The following TMEM167A variants were observed in gnomAD, a reference collection of about 807,000 sequenced individuals.
TMEM167A encodes protein kish-A.
TMEM167A carries 8 observed loss-of-function variants against 11.6 expected under a neutral mutation model. The observed-to-expected ratio is 0.69, with a 90% CI of 0.40 to 1.24. The LOEUF (loss-of-function observed/expected upper bound fraction) is 1.24. Among genes scored for constraint, TMEM167A ranks in the 50% most tolerant of loss-of-function variants. The probability of loss-of-function intolerance (pLI) is 0.01; values close to 1 mark genes in which losing one functional copy is unlikely to be tolerated. For missense variants in TMEM167A, 62 were observed against 87.0 expected, an observed-to-expected ratio of 0.71 and a Z score of 1.14; for synonymous variants, 22 against 28.0, an observed-to-expected ratio of 0.79 and a Z score of 0.67.
At chr5:83,068,136 T>C (rs865780042) in intron 1 of TMEM167A, among the ~76,000 whole-genome samples, 12 of 152,162 alleles carry the variant, frequency 7.9e-5, no homozygotes, top group Admixed American at 2.0e-4. Context: ...TGTATGTGAA[T>C]ATATTAATAA....
chr5:83,065,200 T>G, intron 1 of TMEM167A, 83 bp from the exon 2 acceptor site: 1 of 855,194 alleles, frequency 1.2e-6, no homozygotes, highest in Non-Finnish European at 1.8e-6. Flanking sequence ...ACATTTAGAG[T>G]CATGTTTTTA....
intron 1 of TMEM167A, among the ~76,000 whole-genome samples, chr5:83,075,730 G>A (rs533423982): frequency 2.7e-5 from 4 of 146,712 alleles, no homozygotes; most frequent in African/African-American, 1.0e-4. Context: ...GGGCAACAGA[G>A]GGAGACTCCA....
In TMEM167A at chr5:83,053,899, C is replaced by T. The variant is rs1744293032; in HGVS notation, c.*3185G>A. ...TTTAATACATACTTCATCTCTTTCA[C>T]CTAGTGCACTATGAATTACTACGAG... On this transcript the variant is annotated 3_prime_UTR_variant, in exon 4 of 4. Coordinates refer to ENST00000502346, the MANE Select transcript of TMEM167A (RefSeq NM_174909.5). 1 of 151,998 alleles carries T rather than the reference C, an allele frequency of 6.6e-6. No homozygotes were observed. The highest frequency in any genetic ancestry group is 2.4e-5 in the African/African-American group (1 of 41,402). The allele number at this position is 151,998 out of a possible 1,614,324, so 9.4% of individuals were successfully genotyped here.
chr5:83,067,393 C>T (rs1744498644), intron 1 of TMEM167A, among the ~76,000 whole-genome samples: 1 of 152,088 alleles, frequency 6.6e-6, no homozygotes, highest in Admixed American at 6.5e-5. Flanking sequence ...TGCTTATGCA[C>T]AATGCTAAGC....
intron 3 of TMEM167A, among the ~76,000 whole-genome samples, chr5:83,061,042 C>T (rs922725269): frequency 1.6e-4 from 25 of 152,156 alleles, no homozygotes; most frequent in African/African-American, 6.0e-4. Flanking sequence ...TCTACCTTAA[C>T]TTTAATTGCT....
chr5:83,072,678 G>A (rs1248373603), intron 1 of TMEM167A, among the ~76,000 whole-genome samples: 3 of 151,978 alleles, frequency 2.0e-5, no homozygotes, highest in Non-Finnish European at 4.4e-5. Flanking sequence ...ACAGGTGCAC[G>A]CCACCAAGCC....
At position 83,057,227 on chromosome 5, in the gene TMEM167A, A is replaced by T. The variant is rs529409393; in HGVS notation, c.149-73T>A. 8.0e-5 allele frequency: 111 copies of T among 1,384,222 alleles called. No homozygotes were observed. In the Admixed American group the frequency reaches 1.8e-3, roughly 22 times the overall value. 85.7% of individuals were successfully genotyped at this position (1,384,222 alleles called of 1,614,324 possible). The stretch of plus-strand genomic sequence containing the variant: ...CTGGCTATGACAAGGTTATACTACC[A>T]TAAGAATCAAGATAACATTCTTCCC... On this transcript the variant is annotated intron_variant, in intron 3 of 3. Coordinates refer to ENST00000502346, the MANE Select transcript of TMEM167A (RefSeq NM_174909.5).
intron 3 of TMEM167A, 65 bp from the exon 4 acceptor site, chr5:83,057,219 A>T: frequency 4.2e-6 from 6 of 1,427,560 alleles, no homozygotes; most frequent in Non-Finnish European, 4.9e-6. Context: ...TGACAAGGTT[A>T]TACTACCATA....
chr5:83,065,243 T>C, intron 1 of TMEM167A, 126 bp from the exon 2 acceptor site: 1 of 621,862 alleles, frequency 1.6e-6, no homozygotes, highest in Non-Finnish European at 2.8e-6. Context: ...ATGACAAGTC[T>C]GGCAACACTT....
chr5:83,076,631 T>C (rs1289344179), intron 1 of TMEM167A, among the ~76,000 whole-genome samples: 1 of 152,250 alleles, frequency 6.6e-6, no homozygotes, highest in African/African-American at 2.4e-5. Flanking sequence ...GGAGTCATAG[T>C]TGTTTTTGGG....
At chr5:83,057,501 A>G (rs959968233) in intron 3 of TMEM167A, among the ~76,000 whole-genome samples, 1 of 152,080 alleles carries the variant, frequency 6.6e-6, no homozygotes, top group Non-Finnish European at 1.5e-5. Context: ...TTGAGGCCAA[A>G]GAAATATTGT....
At chr5:83,072,395 AC>A (rs1561305010) in intron 1 of TMEM167A, among the ~76,000 whole-genome samples, 3 of 152,232 alleles carry the variant, frequency 2.0e-5, no homozygotes, top group African/African-American at 7.2e-5. Context: ...CAAGAAAAAA[AC>A]AAAAACTGAT....
At chr5:83,074,722 C>T (rs978258775) in intron 1 of TMEM167A, among the ~76,000 whole-genome samples, 1 of 152,118 alleles carries the variant, frequency 6.6e-6, no homozygotes, top group African/African-American at 2.4e-5. Flanking sequence ...TAATTTCCCC[C>T]ACTGGACTGT....
In TMEM167A at chr5:83,053,523, C is replaced by T. The variant is rs1249213811; in HGVS notation, c.*3561G>A. On this transcript the variant is annotated 3_prime_UTR_variant, in exon 4 of 4. Transcript: ENST00000502346. ...ATGAATATATTCAACCTTCTTTGCA[C>T]ATACACCAAGGAAGAATTTAAATTT... The T allele has an allele frequency of 2.6e-5, 4 of 151,984 alleles. No homozygotes were observed. Among genetic ancestry groups the T allele is most frequent in the African/African-American group, 9.7e-5 (4 of 41,418 alleles). 9.4% of individuals were successfully genotyped at this position (151,984 alleles called of 1,614,324 possible).
At chr5:83,059,880 GTCTC>G (rs1446474719) in intron 3 of TMEM167A, among the ~76,000 whole-genome samples, 4 of 151,714 alleles carry the variant, frequency 2.6e-5, no homozygotes, top group Non-Finnish European at 4.4e-5. Flanking sequence ...TATCAAAGCT[GTCTC>G]TCTATTTTGT....
chr5:83,061,241 A>G (rs1744402115), intron 3 of TMEM167A, among the ~76,000 whole-genome samples: 1 of 152,184 alleles, frequency 6.6e-6, no homozygotes, highest in African/African-American at 2.4e-5. Flanking sequence ...AGTTATCAAA[A>G]TGGTATACAT....
intron 1 of TMEM167A, among the ~76,000 whole-genome samples, chr5:83,073,112 T>C (rs1744587525): frequency 6.6e-6 from 1 of 152,236 alleles, no homozygotes; most frequent in African/African-American, 2.4e-5. Flanking sequence ...TCGTGACAAA[T>C]TGGTTCCGTT....
Position 83,074,009 on chromosome 5 carries a change from A to G in TMEM167A, c.3+3312T>C, listed in dbSNP as rs16900143. Reference sequence around the variant, plus strand: ...ATCTTCCTCCATTTAAATATACTCTATGTTGTTACCAGTTGGTTTTCTAAA... The same window carrying G: ...ATCTTCCTCCATTTAAATATACTCTGTGTTGTTACCAGTTGGTTTTCTAAA... On this transcript the variant is annotated intron_variant, in intron 1 of 3. Transcript: ENST00000502346. Among the ~76,000 whole-genome samples the G allele has an allele frequency of 3.1e-3, 466 of 152,244 alleles. 11 individuals carry two copies. In the East Asian group the frequency reaches 0.077, roughly 25 times the overall value.
rs1744303798 is a variant in TMEM167A, at chr5:83,054,701, G to A, written c.*2383C>T. 6.6e-6 allele frequency: 1 copy of A among 151,954 alleles called. No individual in the cohort carries two copies. Among genetic ancestry groups the A allele is most frequent in the African/African-American group, 2.4e-5 (1 of 41,398 alleles). 9.4% of individuals were successfully genotyped at this position (151,954 alleles called of 1,614,324 possible). On this transcript the variant is annotated 3_prime_UTR_variant, in exon 4 of 4. Coordinates refer to ENST00000502346, the MANE Select transcript of TMEM167A (RefSeq NM_174909.5). ...CCTACTTGAGGGTGGAGGGTGGGAG[G>A]AGGGAGAAGAGCAGGGAAAATAACT...
Sources: gnomAD v4.1 joint callset for allele counts (sites outside exome capture counted in the v4.1 genomes callset) on GRCh38, gnomAD v4.1.1 for gene constraint, MANE v1.5 for transcripts, NCBI Gene and HGNC (gene_info 2026-07-23, HGNC 2026-07-21) for gene names.